The following IL17RE variants were observed in gnomAD, a reference collection of about 807,000 sequenced individuals.
IL17RE encodes interleukin 17 receptor E, also known as interleukin-17 receptor E.
In IL17RE, 47 loss-of-function variants were observed where a neutral mutation model predicts 70.7. The ratio of observed to expected loss-of-function variants is 0.67; its 90% CI spans 0.53 to 0.85. The LOEUF (loss-of-function observed/expected upper bound fraction) is 0.85, where lower values mean the gene tolerates loss of function less well. IL17RE is among the 40% of genes least tolerant of loss of function. IL17RE has a pLI of 0.00. For synonymous variants in IL17RE, 372 were observed against 381.2 expected (o/e 0.98, Z 0.28); for missense variants, 850 against 893.9 (o/e 0.95, Z 0.63).
chr3:9,902,825 G>C, upstream of IL17RE: 2 of 1,591,550 alleles, frequency 1.3e-6, no homozygotes, highest in Non-Finnish European at 1.7e-6. Context: ...GGGCAGGCTG[G>C]GGCGAGGGCT....
chr3:9,910,377 A>C (rs148454909), intron 8 of IL17RE: 527 of 158,466 alleles, frequency 3.3e-3, no homozygotes, highest in African/African-American at 0.011. Context: ...AAAAAAAAAA[A>C]CAAAAAACAG....
chr3:9,908,971 C>G (rs1352873074), intron 7 of IL17RE, among the ~76,000 whole-genome samples: 5 of 152,112 alleles, frequency 3.3e-5, no homozygotes, highest in Non-Finnish European at 7.4e-5. Flanking sequence ...GGATTTCCTT[C>G]TTTCTGGGGA....
chr3:9,912,874 A>G (rs1039979647), intron 12 of IL17RE, among the ~76,000 whole-genome samples: 5 of 152,174 alleles, frequency 3.3e-5, no homozygotes, highest in African/African-American at 1.2e-4. Flanking sequence ...GACTCTAAAA[A>G]AAATGTTTTT....
chr3:9,910,784 C>A, intron 8 of IL17RE, 81 bp from the exon 9 acceptor site: 1 of 1,291,440 alleles, frequency 7.7e-7, no homozygotes, highest in Non-Finnish European at 1.1e-6. Context: ...AACATTATCT[C>A]CAGCTGCCCC....
chr3:9,914,278 A>C, intron 13 of IL17RE: 1 of 780,426 alleles, frequency 1.3e-6, no homozygotes, highest in Non-Finnish European at 2.0e-6. Flanking sequence ...GTGCCATCTG[A>C]TTGTTTCAGT....
rs1346577725 is a variant in IL17RE at position 9,911,595 on chromosome 3, C to T, written c.1225C>T (p.Gln409Ter). 1.9e-6 allele frequency: 3 copies of T among 1,610,782 alleles called. No individual in the cohort carries two copies. The highest frequency in any genetic ancestry group is 2.7e-5 in the African/African-American group (2 of 74,862). ...TLVPPVYTVS[Q>*]ARGSSPVSLD... is the part of the protein sequence containing the mutation. ...GGTGCCCCCCGTGTACACTGTCAGC[C>T]AGGTATGGCCTCGCCCCCACTAGGT... The change falls in exon 12 of 16, where the codon CAG (glutamine) becomes TAG (stop). Residue 409 changes from glutamine to a stop codon, truncating the protein, a stop_gained and splice_region_variant. Transcript: ENST00000383814. LOFTEE classifies it high-confidence loss of function.
rs894440750 is a variant in IL17RE, at chr3:9,906,952, T to G, written c.527-9T>G. ...AGAGACAAGGCCACTGAGTCCTTCCTCTCCCCAGGACCCGAGTTCTCCTTT... is the reference window on the plus strand; with the variant it reads ...AGAGACAAGGCCACTGAGTCCTTCCGCTCCCCAGGACCCGAGTTCTCCTTT... On this transcript the variant is annotated splice_polypyrimidine_tract_variant and intron_variant, in intron 5 of 15. Coordinates refer to ENST00000383814, the MANE Select transcript of IL17RE (RefSeq NM_153480.2). The G allele has an allele frequency of 8.1e-6, 13 of 1,613,990 alleles. No homozygotes were observed. The highest frequency in any genetic ancestry group is 2.7e-5 in the African/African-American group (2 of 74,910).
chr3:9,915,147 G>C lies in IL17RE; in HGVS notation c.1448-104G>C. ...CCAGAGCAAATAAGGGGCGGGGGCG[G>C]GGGCGGAGAGGCGAGCACCCTACGG... is the stretch of plus-strand genomic sequence containing the variant. On this transcript the variant is annotated intron_variant, in intron 15 of 15. Transcript: ENST00000383814. This position sits in a 1 kb window ranked among gnomAD's most constrained non-coding sequence, Gnocchi z 4.9. 1 of 1,330,158 alleles carries C rather than the reference G, an allele frequency of 7.5e-7. No homozygotes were observed. The highest frequency in any genetic ancestry group is 9.6e-7 in the Non-Finnish European group (1 of 1,039,398). The allele number at this position is 1,330,158 out of a possible 1,614,324, so 82.4% of individuals were successfully genotyped here. A position where few individuals can be genotyped will look rare whatever the true frequency, so the allele number is the denominator to read the frequency against.
In IL17RE at chr3:9,908,433, G is replaced by A. The variant is rs2082811204; in HGVS notation, c.735+126G>A. On this transcript the variant is annotated intron_variant, in intron 7 of 15. Coordinates refer to ENST00000383814, the MANE Select transcript of IL17RE (RefSeq NM_153480.2). ...GACTGAGTGTTACTGGCATGCTTAG[G>A]AAGACCAGCGCCAGCTTGGCTGTGA... is the stretch of plus-strand genomic sequence containing the variant. The A allele has an allele frequency of 5.2e-6, 4 of 773,608 alleles. No homozygotes were observed. The South Asian group carries it at 6.4e-5, about 12-fold the overall frequency. 47.9% of individuals were successfully genotyped at this position (773,608 alleles called of 1,614,324 possible). A position where few individuals can be genotyped will look rare whatever the true frequency, so the allele number is the denominator to read the frequency against.
At chr3:9,914,090 C>A in intron 13 of IL17RE, 66 bp downstream of exon 13, 1 of 1,254,846 alleles carries the variant, frequency 8.0e-7, no homozygotes, top group South Asian at 1.2e-5. Context: ...GGCACCCACC[C>A]CTGGAAAATC....
At chr3:9,903,457 T>C (rs2082683596) in intron 2 of IL17RE, 45 bp downstream of exon 2, 6 of 1,606,248 alleles carry the variant, frequency 3.7e-6, no homozygotes, top group African/African-American at 1.3e-5. Context: ...ACGCCCACTA[T>C]TTTTGCAGAT....
In IL17RE at chr3:9,915,707, C is replaced by T; in HGVS notation, c.1904C>T (p.Thr635Ile). 1 of 1,407,888 alleles carries T rather than the reference C, an allele frequency of 7.1e-7. No individual in the cohort carries two copies. Among genetic ancestry groups the T allele is most frequent in the Non-Finnish European group, 9.2e-7 (1 of 1,091,798 alleles). The allele number at this position is 1,407,888 out of a possible 1,614,324, so 87.2% of individuals were successfully genotyped here. A position where few individuals can be genotyped will look rare whatever the true frequency, so the allele number is the denominator to read the frequency against. The change falls in exon 16 of 16, where the codon ACC becomes ATC. Residue 635 changes from threonine (T) to isoleucine (I), a missense_variant. Transcript: ENST00000383814. This position sits in a 1 kb window ranked among gnomAD's most constrained non-coding sequence, Gnocchi z 4.9. The stretch of plus-strand genomic sequence containing the variant: ...GACGCGCGGCCTTTCGCAGAGGCCA[C>T]CAGCTGGGGCCGCCTTGGGGCGCGG... ...ALDARPFAEA[T>I]SWGRLGARQR...
chr3:9,907,501 G>A (rs2082787496), intron 6 of IL17RE, among the ~76,000 whole-genome samples: 1 of 152,286 alleles, frequency 6.6e-6, no homozygotes, highest in South Asian at 2.1e-4. Context: ...ACCTGGAGCA[G>A]CCATGAATGA....
chr3:9,913,232 C>T (rs775763142), intron 12 of IL17RE, among the ~76,000 whole-genome samples: 9 of 151,904 alleles, frequency 5.9e-5, no homozygotes, highest in South Asian at 4.2e-4. Context: ...TGGCAAAACC[C>T]GTCTCTACTA....
intron 4 of IL17RE, 117 bp from the exon 5 acceptor site, chr3:9,906,589 T>C: frequency 7.2e-7 from 1 of 1,379,756 alleles, no homozygotes; most frequent in Non-Finnish European, 1.0e-6. Flanking sequence ...ATTACACAGC[T>C]AGGGAGGCCA....
chr3:9,907,031 G>A lies in IL17RE; in HGVS notation c.597G>A (p.Glu199=). The change falls in exon 6 of 16, where the codon GAG becomes GAA. Residue 199 remains glutamate, a synonymous_variant. Coordinates refer to ENST00000383814, the MANE Select transcript of IL17RE (RefSeq NM_153480.2). ...AIRVTISSGP[E]VSVRLCHQWA... is the part of the protein sequence containing the mutation. Reference sequence around the variant, plus strand: ...GGGTGACCATATCTTCAGGCCCTGAGGTCAGCGTGCGTCTTTGTCACCAGT... The same window carrying A: ...GGGTGACCATATCTTCAGGCCCTGAAGTCAGCGTGCGTCTTTGTCACCAGT... 1 of 1,614,170 alleles carries A rather than the reference G, an allele frequency of 6.2e-7. No individual in the cohort carries two copies. Among genetic ancestry groups the A allele is most frequent in the Non-Finnish European group, 8.5e-7 (1 of 1,180,040 alleles).
chr3:9,903,097 C>A, intron 1 of IL17RE, 33 bp downstream of exon 1: 1 of 1,568,930 alleles, frequency 6.4e-7, no homozygotes, highest in Non-Finnish European at 8.8e-7. Flanking sequence ...GGACACCTGC[C>A]TGGCACAGCC....
chr3:9,913,053 A>G (rs1261535019), intron 12 of IL17RE, among the ~76,000 whole-genome samples: 1 of 152,126 alleles, frequency 6.6e-6, no homozygotes, highest in Non-Finnish European at 1.5e-5. Context: ...ATGTGCATAT[A>G]CCCATTTGAT....
At chr3:9,904,571 G>A (rs978446333) in intron 3 of IL17RE, among the ~76,000 whole-genome samples, 1 of 152,080 alleles carries the variant, frequency 6.6e-6, no homozygotes, top group East Asian at 1.9e-4. Context: ...GATCACCTGA[G>A]GTCAGGAATT....
Sources: gnomAD v4.1 joint callset for allele counts (sites outside exome capture counted in the v4.1 genomes callset) on GRCh38, gnomAD v4.1.1 for gene constraint, Gnocchi (gnomAD v3.1) non-coding constraint, MANE v1.5 for transcripts, NCBI Gene and HGNC (gene_info 2026-07-23, HGNC 2026-07-21) for gene names.